SLC44A4: variants seen among roughly 807,000 people sequenced by gnomAD.
SLC44A4 encodes choline transporter-like protein 4.
Under a neutral mutation model 97.0 loss-of-function variants are expected in SLC44A4, and 74 were observed. The ratio of observed to expected loss-of-function variants is 0.76; its 90% CI spans 0.63 to 0.93. SLC44A4 has a LOEUF of 0.93. SLC44A4 is among the 40% of genes least tolerant of loss of function. The probability of loss-of-function intolerance (pLI) is 0.00; values close to 1 mark genes in which losing one functional copy is unlikely to be tolerated. For missense variants in SLC44A4, 799 were observed against 902.9 expected, an observed-to-expected ratio of 0.88 and a Z score of 1.48; for synonymous variants, 325 against 363.8, an observed-to-expected ratio of 0.89 and a Z score of 1.21.
intron 13 of SLC44A4, 46 bp downstream of exon 13, chr6:31,869,109 C>T: frequency 3.3e-6 from 5 of 1,501,906 alleles, no homozygotes; most frequent in Non-Finnish European, 4.5e-6. Flanking sequence ...CCCTACAGCC[C>T]CTCACCCCTA....
At chr6:31,871,169 T>C in intron 9 of SLC44A4, 122 bp from the exon 10 acceptor site, 2 of 1,263,806 alleles carry the variant, frequency 1.6e-6, no homozygotes, top group East Asian at 2.4e-5. Flanking sequence ...CTTTCCCTTA[T>C]AAATCCTGTT....
In SLC44A4 at chr6:31,863,767, C is replaced by T. The variant is rs751967449; in HGVS notation, c.2012-19G>A. 4 of 1,611,686 alleles carry T rather than the reference C, an allele frequency of 2.5e-6. No homozygotes were observed. Among genetic ancestry groups the T allele is most frequent in the Non-Finnish European group, 1.7e-6 (2 of 1,179,602 alleles). On this transcript the variant is annotated intron_variant, in intron 20 of 20. Coordinates refer to ENST00000229729, the MANE Select transcript of SLC44A4 (RefSeq NM_025257.3). ...TCTTCCACTGAGCCGCAACAGAGAC[C>T]GGTTAGAGCGGACCCTGGGGCCAGG...
At chr6:31,867,825 T>C (rs1364705925) in intron 13 of SLC44A4, among the ~76,000 whole-genome samples, 4 of 39,776 alleles carry the variant, frequency 1.0e-4, no homozygotes, top group Non-Finnish European at 1.2e-4. Flanking sequence ...TAAATAAACC[T>C]TTTTTTTTTT....
rs746727628 is a variant in SLC44A4 at position 31,865,653 on chromosome 6, C to T, written c.1582+37G>A. ...GTCACTGCCCCTCCCTAATGGCCTTCCCCAGCTCCTGACTCCTACTCCGAC... is the reference window on the plus strand; with the variant it reads ...GTCACTGCCCCTCCCTAATGGCCTTTCCCAGCTCCTGACTCCTACTCCGAC... On this transcript the variant is annotated intron_variant, in intron 15 of 20. Transcript: ENST00000229729. The surrounding 1 kb of genome is among the most constrained non-coding windows in gnomAD (Gnocchi z 5.2). 123 of 1,612,326 alleles carry T rather than the reference C, an allele frequency of 7.6e-5. No homozygotes were observed. The highest frequency in any genetic ancestry group is 1.0e-4 in the Non-Finnish European group (120 of 1,179,430).
rs1762827934 is a variant in SLC44A4 at position 31,865,772 on chromosome 6, C to T, written c.1500G>A (p.Gly500=). 1.9e-6 allele frequency: 3 copies of T among 1,613,884 alleles called. No individual in the cohort carries two copies. The highest frequency in any genetic ancestry group is 2.5e-6 in the Non-Finnish European group (3 of 1,179,946). Residue 500 remains glycine (G), a synonymous_variant, in exon 15 of 21, where the codon GGG becomes GGA. Transcript: ENST00000229729. The surrounding 1 kb of genome is among the most constrained non-coding windows in gnomAD (Gnocchi z 5.2). ...AFIRTLRYHT[G]SLAFGALILT... The stretch of plus-strand genomic sequence containing the variant: ...GGATGAGGGCTCCAAATGCCAATGA[C>T]CCAGTGTGGTAACTGCAGAGGGTGT...
At chr6:31,875,574 G>A (rs1384055556) in intron 4 of SLC44A4, among the ~76,000 whole-genome samples, 2 of 152,172 alleles carry the variant, frequency 1.3e-5, no homozygotes, top group Non-Finnish European at 2.9e-5. Flanking sequence ...TGGTCCAGTT[G>A]GGGATCCAAA....
chr6:31,870,988 G>A lies in SLC44A4; in HGVS notation c.761C>T (p.Ala254Val), dbSNP rs888892438. Reference sequence around the variant, plus strand: ...GATCAGCACCAGCACCAGGGGCCCAGCCACCAGGCGCAGAAGCAAGATAAA... The same window carrying A: ...GATCAGCACCAGCACCAGGGGCCCAACCACCAGGCGCAGAAGCAAGATAAA... ...LLFILLLRLVAGPLVLVLILG... is the reference protein window; with the variant it reads ...LLFILLLRLVVGPLVLVLILG... Residue 254 changes from alanine to valine, a missense_variant, in exon 10 of 21, where the codon GCT becomes GTT. Ala to Val is a moderately conservative substitution (Grantham distance 64). Around this residue, in one of 3 missense-constraint regions of SLC44A4, gnomAD observed 409 missense variants for 434.1 expected, o/e 0.94. Transcript: ENST00000229729. 2 of 1,612,710 alleles carry A rather than the reference G, an allele frequency of 1.2e-6. No homozygotes were observed. Among genetic ancestry groups the A allele is most frequent in the African/African-American group, 2.7e-5 (2 of 74,894 alleles).
At position 31,877,674 on chromosome 6, in the gene SLC44A4, C is replaced by T; in HGVS notation, c.41-592G>A. The T allele has an allele frequency of 1.0e-6, 1 of 981,562 alleles. No homozygotes were observed. Among genetic ancestry groups the T allele is most frequent in the Non-Finnish European group, 1.2e-6 (1 of 826,326 alleles). 60.8% of individuals were successfully genotyped at this position (981,562 alleles called of 1,614,324 possible). A position where few individuals can be genotyped will look rare whatever the true frequency, so the allele number is the denominator to read the frequency against. ...CCTCACTCTGGTGGGACCTCAGTCC[C>T]CTGGCCACAGTGTGCTCCGGGCTCT... On this transcript the variant is annotated intron_variant, in intron 1 of 20. Coordinates refer to ENST00000229729, the MANE Select transcript of SLC44A4 (RefSeq NM_025257.3). The surrounding 1 kb of genome is among the most constrained non-coding windows in gnomAD (Gnocchi z 6.5).
At chr6:31,872,940 C>G (rs1425980860) in intron 7 of SLC44A4, among the ~76,000 whole-genome samples, 4 of 151,932 alleles carry the variant, frequency 2.6e-5, no homozygotes, top group Non-Finnish European at 4.4e-5. Context: ...TGCAGTGGCA[C>G]CATCTCGGCT....
Position 31,875,038 on chromosome 6 carries a change from G to C in SLC44A4, c.243-10C>G. On this transcript the variant is annotated splice_polypyrimidine_tract_variant and intron_variant, in intron 4 of 20. Transcript: ENST00000229729. ...GAGATACGGCTTATCTCTGTGGGAGGGGAGGGACCATGTGCATCAGGGCCT... is the reference window on the plus strand; with the variant it reads ...GAGATACGGCTTATCTCTGTGGGAGCGGAGGGACCATGTGCATCAGGGCCT... 6.2e-7 allele frequency: 1 copy of C among 1,606,874 alleles called. No homozygotes were observed. The highest frequency in any genetic ancestry group is 8.5e-7 in the Non-Finnish European group (1 of 1,175,988).
rs1762647508 is a variant in SLC44A4 at position 31,863,309 on chromosome 6, T to A, written c.*318A>T. 1 of 285,088 alleles carries A rather than the reference T, an allele frequency of 3.5e-6. No homozygotes were observed. The highest frequency in any genetic ancestry group is 6.6e-6 in the Non-Finnish European group (1 of 151,862). 17.7% of individuals were successfully genotyped at this position (285,088 alleles called of 1,614,324 possible). ...GGCGCGATCTCGGCTCACTGCAACC[T>A]CTGCCTCCCGGGTTCAAGCGATTCT... is the stretch of plus-strand genomic sequence containing the variant. On this transcript the variant is annotated 3_prime_UTR_variant, in exon 21 of 21. Coordinates refer to ENST00000229729, the MANE Select transcript of SLC44A4 (RefSeq NM_025257.3).
Position 31,864,061 on chromosome 6 carries a change from CT to C in SLC44A4, c.2012-314del, listed in dbSNP as rs1762702400. Among the ~76,000 whole-genome samples, 6 of 151,150 alleles carry C rather than the reference CT, an allele frequency of 4.0e-5. No individual in the cohort carries two copies. In the East Asian group the frequency reaches 9.9e-4, roughly 25 times the overall value. On this transcript the variant is annotated intron_variant, in intron 20 of 20. Coordinates refer to ENST00000229729, the MANE Select transcript of SLC44A4 (RefSeq NM_025257.3). ...ACCTGCTGGGAAGTCTCTCTAATGG[CT>C]CTTTTTTTTTTTTAATCTTTTTTCT...
At chr6:31,867,390 G>A (rs1159000503) in intron 13 of SLC44A4, among the ~76,000 whole-genome samples, 1 of 151,844 alleles carries the variant, frequency 6.6e-6, no homozygotes, top group Non-Finnish European at 1.5e-5. Context: ...ACTGCGCGCG[G>A]CCTTCTGTCA....
Position 31,864,857 on chromosome 6 carries a change from A to G in SLC44A4, c.1885T>C (p.Phe629Leu). 1 of 1,614,110 alleles carries G rather than the reference A, an allele frequency of 6.2e-7. No individual in the cohort carries two copies. The highest frequency in any genetic ancestry group is 8.5e-7 in the Non-Finnish European group (1 of 1,180,006). The change falls in exon 19 of 21, where the codon TTT becomes CTT. Residue 629 changes from phenylalanine (F) to leucine (L), a missense_variant. This residue lies in a region of SLC44A4 where 379 missense variants were observed against 438.3 expected (regional missense o/e 0.86). Coordinates refer to ENST00000229729, the MANE Select transcript of SLC44A4 (RefSeq NM_025257.3). The stretch of plus-strand genomic sequence containing the variant: ...TAATAGTTGAGGTGGGGGCTCTTAA[A>G]GTCTTTACCCAGCCCCGGGATGCGA... The part of the protein sequence containing the change: ...SGRIPGLGKD[F>L]KSPHLNYYWL...
Position 31,877,101 on chromosome 6 carries a change from G to A in SLC44A4, c.41-19C>T. 6.2e-7 allele frequency: 1 copy of A among 1,607,274 alleles called. No individual in the cohort carries two copies. The highest frequency in any genetic ancestry group is 8.5e-7 in the Non-Finnish European group (1 of 1,177,726). On this transcript the variant is annotated intron_variant, in intron 1 of 20. Coordinates refer to ENST00000229729, the MANE Select transcript of SLC44A4 (RefSeq NM_025257.3). This position sits in a 1 kb window ranked among gnomAD's most constrained non-coding sequence, Gnocchi z 6.5. The stretch of plus-strand genomic sequence containing the variant: ...GGCTTCCCTGAGGGACATGAGAAGA[G>A]GTGTGGAGGATGAGTCTCTCTCTGC...
In SLC44A4 at chr6:31,874,363, G is replaced by A; in HGVS notation, c.529+97C>T. On this transcript the variant is annotated intron_variant, in intron 7 of 20. Coordinates refer to ENST00000229729, the MANE Select transcript of SLC44A4 (RefSeq NM_025257.3). The surrounding 1 kb of genome is among the most constrained non-coding windows in gnomAD (Gnocchi z 4.8). ...CTAATTCCAATTTTGCCACCAACAAGCTATGTGACTTCACTCTCTCTGGGC... is the reference window on the plus strand; with the variant it reads ...CTAATTCCAATTTTGCCACCAACAAACTATGTGACTTCACTCTCTCTGGGC... 1.4e-6 allele frequency: 2 copies of A among 1,384,052 alleles called. No homozygotes were observed. Among genetic ancestry groups the A allele is most frequent in the Non-Finnish European group, 2.0e-6 (2 of 981,700 alleles). The allele number at this position is 1,384,052 out of a possible 1,614,324, so 85.7% of individuals were successfully genotyped here. A position where few individuals can be genotyped will look rare whatever the true frequency, so the allele number is the denominator to read the frequency against.
Position 31,876,109 on chromosome 6 carries a change from C to T in SLC44A4, c.110G>A (p.Cys37Tyr), listed in dbSNP as rs768412444. 1.2e-6 allele frequency: 2 copies of T among 1,613,796 alleles called. No homozygotes were observed. Among genetic ancestry groups the T allele is most frequent in the Non-Finnish European group, 1.7e-6 (2 of 1,179,870 alleles). ...AATGAAGAGCAGGAAGAGGACGCAG[C>T]AGATGACATCTGTGCAGCTTCTGAG... ...IKNRSCTDVI[C>Y]CVLFLLFILG... Residue 37 changes from cysteine to tyrosine, a missense_variant, in exon 3 of 21, where the codon TGC becomes TAC. By Grantham distance (194) the Cys-to-Tyr change is radical. Coordinates refer to ENST00000229729, the MANE Select transcript of SLC44A4 (RefSeq NM_025257.3). This position sits in a 1 kb window ranked among gnomAD's most constrained non-coding sequence, Gnocchi z 4.8.
rs766891240 is a variant in SLC44A4 at position 31,865,423 on chromosome 6, G to T, written c.1687-35C>A. 9 of 1,612,926 alleles carry T rather than the reference G, an allele frequency of 5.6e-6. No homozygotes were observed. In the African/African-American group the frequency reaches 1.1e-4, roughly 19 times the overall value. ...GTGGAAAGGTCAGAGTTACCAAGGC[G>T]AGCTGCCTGGACCAGGATGGGGGTG... On this transcript the variant is annotated intron_variant, in intron 16 of 20. Coordinates refer to ENST00000229729, the MANE Select transcript of SLC44A4 (RefSeq NM_025257.3). The surrounding 1 kb of genome is among the most constrained non-coding windows in gnomAD (Gnocchi z 5.2).
chr6:31,875,565 G>T (rs1763396756), intron 4 of SLC44A4, among the ~76,000 whole-genome samples: 1 of 152,158 alleles, frequency 6.6e-6, no homozygotes. Context: ...ACCAAAACTT[G>T]GTCCAGTTGG....
Sources: allele counts gnomAD v4.1 joint callset (sites outside exome capture counted in the v4.1 genomes callset), GRCh38; gene constraint gnomAD v4.1.1; regional missense constraint gnomAD v4.1.1; non-coding constraint Gnocchi (gnomAD v3.1); transcripts MANE v1.5; gene names NCBI Gene and HGNC (gene_info 2026-07-23, HGNC 2026-07-21).